ARHGAP20: variants seen among roughly 807,000 people sequenced by gnomAD.
ARHGAP20 encodes the protein Rho GTPase activating protein 20.
In ARHGAP20, 34 loss-of-function variants were observed where a neutral mutation model predicts 73.7. The ratio of observed to expected loss-of-function variants is 0.46; its 90% confidence interval spans 0.35 to 0.61. ARHGAP20 has a LOEUF of 0.61. Ranked by LOEUF, ARHGAP20 falls within the 20% of genes least tolerant of loss-of-function variation. ARHGAP20 has a pLI of 0.00. For synonymous variants in ARHGAP20, 523 were observed against 518.2 expected (o/e 1.01, Z -0.13); for missense variants, 1,314 against 1,420.9 (o/e 0.92, Z 1.21).
chr11:110,705,661 G>A (rs1717489877), intron 1 of ARHGAP20, among the ~76,000 whole-genome samples: 1 of 152,000 alleles, frequency 6.6e-6, no homozygotes, highest in Non-Finnish European at 1.5e-5. Flanking sequence ...CACATTTTAA[G>A]TGAGCATAAC....
intron 1 of ARHGAP20, among the ~76,000 whole-genome samples, chr11:110,701,282 C>A (rs1038476870): frequency 6.7e-6 from 1 of 150,304 alleles, no homozygotes. Flanking sequence ...GCCATTCTAA[C>A]TGGTGTGAGA....
chr11:110,586,625 G>T (rs1365972479), intron 11 of ARHGAP20, among the ~76,000 whole-genome samples: 1 of 152,170 alleles, frequency 6.6e-6, no homozygotes, highest in Non-Finnish European at 1.5e-5. Flanking sequence ...ACATGACAAG[G>T]TCTGGCAGTA....
At chr11:110,682,813 A>AT (rs1252647050) in intron 2 of ARHGAP20, among the ~76,000 whole-genome samples, 2 of 152,134 alleles carry the variant, frequency 1.3e-5, no homozygotes, top group Admixed American at 6.6e-5. Flanking sequence ...GTGTTCTATG[A>AT]TGTAAGCATT....
At chr11:110,603,055 T>C (rs1948145786) in intron 9 of ARHGAP20, among the ~76,000 whole-genome samples, 1 of 152,258 alleles carries the variant, frequency 6.6e-6, no homozygotes, top group Admixed American at 6.5e-5. Context: ...TTATTCATTG[T>C]ATTGTTTTGA....
Position 110,615,568 on chromosome 11 carries a change from A to C in ARHGAP20, c.530T>G (p.Leu177Arg), listed in dbSNP as rs758857246. ...FSSPEQKDKW[L>R]SLLQRYINLE... ...GAAAAAATACCTCTGAAGGAGAGAG[A>C]GCCATTTGTCCTTTTGTTCTGGAGA... The change falls in exon 5 of 15, where the codon CTC becomes CGC. Residue 177 changes from leucine to arginine, a missense_variant. Transcript: ENST00000683387. 7 of 1,612,340 alleles carry C rather than the reference A, an allele frequency of 4.3e-6. 1 individual carries two copies. The South Asian group carries it at 7.7e-5, about 18-fold the overall frequency.
At position 110,579,973 on chromosome 11, in the gene ARHGAP20, G is replaced by C; in HGVS notation, c.2973C>G (p.Asp991Glu). 6.2e-7 allele frequency: 1 copy of C among 1,614,228 alleles called. No homozygotes were observed. The highest frequency in any genetic ancestry group is 8.5e-7 in the Non-Finnish European group (1 of 1,180,046). The change falls in exon 15 of 15, where the codon GAC becomes GAG. Residue 991 changes from aspartate (D) to glutamate (E), a missense_variant. Asp to Glu is a conservative substitution (Grantham distance 45, BLOSUM62 2). This residue lies in a region of ARHGAP20 where 641 missense variants were observed against 636.9 expected (regional missense o/e 1.01). Coordinates refer to ENST00000683387, the MANE Select transcript of ARHGAP20 (RefSeq NM_001384657.1). ...CGGAAACATGGCTGGCATTGCTAAA[G>C]TCAGGAGAAAGGTCTTCCCGTTTTC... ...AQRKREDLSPDFSNASHVSGM... is the reference protein window; with the variant it reads ...AQRKREDLSPEFSNASHVSGM...
At position 110,652,529 on chromosome 11, in the gene ARHGAP20, C is replaced by T. The variant is rs112598088; in HGVS notation, c.189-21737G>A. Among the ~76,000 whole-genome samples, 604 of 152,246 alleles carry T rather than the reference C, an allele frequency of 4.0e-3. 5 individuals carry two copies. Among genetic ancestry groups the T allele is most frequent in the Non-Finnish European group, 6.5e-3 (445 of 68,012 alleles). On this transcript the variant is annotated intron_variant, in intron 2 of 14. Coordinates refer to ENST00000683387, the MANE Select transcript of ARHGAP20 (RefSeq NM_001384657.1). ...AGCTTCTTAGGCTGATAAGCAACTTCAGCAAAGTCTTCAGGATATAAAATA... is the reference window on the plus strand; with the variant it reads ...AGCTTCTTAGGCTGATAAGCAACTTTAGCAAAGTCTTCAGGATATAAAATA...
At position 110,592,160 on chromosome 11, in the gene ARHGAP20, G is replaced by T; in HGVS notation, c.965-5C>A. The T allele has an allele frequency of 6.2e-7, 1 of 1,606,102 alleles. No individual in the cohort carries two copies. On this transcript the variant is annotated splice_region_variant and splice_polypyrimidine_tract_variant and intron_variant, in intron 9 of 14. Transcript: ENST00000683387. ...TAAATGTCTTATGACCTGAATCTAA[G>T]GAAGAAGTGAGCTTATTAGAAAAAT...
intron 1 of ARHGAP20, among the ~76,000 whole-genome samples, chr11:110,698,866 C>T (rs1950389185): frequency 6.6e-6 from 1 of 151,766 alleles, no homozygotes; most frequent in African/African-American, 2.4e-5. Flanking sequence ...AAATAACCAA[C>T]TTTTTGTTTC....
chr11:110,590,787 T>C lies in ARHGAP20; in HGVS notation c.1166A>G (p.Gln389Arg). The change falls in exon 11 of 15, where the codon CAA becomes CGA. Residue 389 changes from glutamine (Q) to arginine (R), a missense_variant. Around this residue, in one of 3 missense-constraint regions of ARHGAP20, gnomAD observed 230 missense variants for 317.6 expected, o/e 0.72. Transcript: ENST00000683387. ...PVLDMLFFLN[Q>R]KGPLTKGIFR... ...GATACCTTTGGTGAGAGGTCCTTTTTGATTAAGAAAGAAAAGCATATCCTA... is the reference window on the plus strand; with the variant it reads ...GATACCTTTGGTGAGAGGTCCTTTTCGATTAAGAAAGAAAAGCATATCCTA... 23 of 1,613,424 alleles carry C rather than the reference T, an allele frequency of 1.4e-5. No homozygotes were observed. The highest frequency in any genetic ancestry group is 1.9e-5 in the Non-Finnish European group (23 of 1,179,856).
chr11:110,711,322 C>T (rs186893121), intron 1 of ARHGAP20, among the ~76,000 whole-genome samples: 3 of 145,412 alleles, frequency 2.1e-5, no homozygotes, highest in Non-Finnish European at 3.0e-5. Context: ...ACCCGGATCC[C>T]TATCCAGCCC....
rs12278458 is a variant in ARHGAP20 at position 110,670,574 on chromosome 11, A to G, written c.188+19973T>C. 6.2e-3 allele frequency among the ~76,000 whole-genome samples: 944 copies of G among 152,214 alleles called. 10 individuals carry two copies. The highest frequency in any genetic ancestry group is 0.021 in the African/African-American group (887 of 41,570). On this transcript the variant is annotated intron_variant, in intron 2 of 14. Coordinates refer to ENST00000683387, the MANE Select transcript of ARHGAP20 (RefSeq NM_001384657.1). ...TATTAAATAAACATCATAATTAAAA[A>G]TCTTCCCACAAACAAAACTCAACCC...
Position 110,578,310 on chromosome 11 carries a change from T to TA in ARHGAP20, c.*1059dup, listed in dbSNP as rs1449881455. On this transcript the variant is annotated 3_prime_UTR_variant, in exon 15 of 15. Transcript: ENST00000683387. ...TTGGGTATTCTATTGTGGGACTCCTTATAACCGGCCAACCTCAATATTGCT... is the reference window on the plus strand; with the variant it reads ...TTGGGTATTCTATTGTGGGACTCCTTAATAACCGGCCAACCTCAATATTGCT... 1 of 985,312 alleles carries TA rather than the reference T, an allele frequency of 1.0e-6. No individual in the cohort carries two copies. The highest frequency in any genetic ancestry group is 1.2e-6 in the Non-Finnish European group (1 of 829,930). The allele number at this position is 985,312 out of a possible 1,614,324, so 61.0% of individuals were successfully genotyped here. A position where few individuals can be genotyped will look rare whatever the true frequency, so the allele number is the denominator to read the frequency against.
At chr11:110,653,946 A>G (rs11213518) in intron 2 of ARHGAP20, among the ~76,000 whole-genome samples, 46,582 of 151,950 alleles carry the variant, frequency 0.31, 8,086 homozygotes, top group African/African-American at 0.48. Flanking sequence ...GCAAACTAAC[A>G]CAGGAACAGA....
At chr11:110,629,904 AGAC>A (rs1948825002) in intron 3 of ARHGAP20, among the ~76,000 whole-genome samples, 1 of 152,244 alleles carries the variant, frequency 6.6e-6, no homozygotes, top group Non-Finnish European at 1.5e-5. Flanking sequence ...AAACACTCTC[AGAC>A]TCCTGACTCA....
At chr11:110,658,583 T>C (rs968046188) in intron 2 of ARHGAP20, among the ~76,000 whole-genome samples, 6 of 152,178 alleles carry the variant, frequency 3.9e-5, no homozygotes, top group African/African-American at 9.7e-5. Flanking sequence ...TGCCTCTATG[T>C]GAGAAGGAAA....
rs1947451798 is a variant in ARHGAP20, at chr11:110,581,036, C to T, written c.1910G>A (p.Ser637Asn). ...TTTAGAATGGGCCAAGTCAAAGTCG[C>T]TTAGGGTTAAAAGGCCTTCCACCTC... ...QPEVEGLLTL[S>N]DFDLAHSKDE... Residue 637 changes from serine to asparagine, a missense_variant, in exon 15 of 15, where the codon AGC (serine) becomes AAC (asparagine). Transcript: ENST00000683387. 6.2e-7 allele frequency: 1 copy of T among 1,613,990 alleles called. No homozygotes were observed. Among genetic ancestry groups the T allele is most frequent in the African/African-American group, 1.3e-5 (1 of 74,882 alleles).
chr11:110,698,892 C>CT (rs761311150), intron 1 of ARHGAP20, among the ~76,000 whole-genome samples: 1 of 151,512 alleles, frequency 6.6e-6, no homozygotes, highest in Non-Finnish European at 1.5e-5. Flanking sequence ...TCCTTTATAT[C>CT]TTTTTTTGTC....
intron 2 of ARHGAP20, among the ~76,000 whole-genome samples, chr11:110,647,478 T>C (rs751261969): frequency 6.6e-5 from 10 of 152,076 alleles, no homozygotes; most frequent in Non-Finnish European, 8.8e-5. Flanking sequence ...GAGGATTTGA[T>C]CATTGAACTG....
Sources: allele counts gnomAD v4.1 joint callset (sites outside exome capture counted in the v4.1 genomes callset), GRCh38; gene constraint gnomAD v4.1.1; regional missense constraint gnomAD v4.1.1; transcripts MANE v1.5; gene names NCBI Gene and HGNC (gene_info 2026-07-23, HGNC 2026-07-21).